The following SMARCC1 variants were observed in gnomAD, a reference collection of about 807,000 sequenced individuals.
SMARCC1 encodes the protein SWI/SNF complex subunit SMARCC1.
Under a neutral mutation model 147.4 loss-of-function variants are expected in SMARCC1, and 43 were observed. That is an observed-to-expected ratio of 0.29 (90% CI 0.23 to 0.38). The LOEUF (loss-of-function observed/expected upper bound fraction) is 0.38, where lower values mean the gene tolerates loss of function less well. Ranked by LOEUF, SMARCC1 falls within the 10% of genes least tolerant of loss-of-function variation. The probability of loss-of-function intolerance (pLI) is 1.00; values close to 1 mark genes in which losing one functional copy is unlikely to be tolerated. For synonymous variants in SMARCC1, 495 were observed against 484.4 expected (o/e 1.02, Z -0.29); for missense variants, 1,119 against 1,381.1 (o/e 0.81, Z 3.01).
chr3:47,722,506 A>G (rs2106812223), intron 6 of SMARCC1, among the ~76,000 whole-genome samples: 1 of 152,008 alleles, frequency 6.6e-6, no homozygotes, highest in South Asian at 2.1e-4. Flanking sequence ...CATTTTGATC[A>G]GGCTCATCTC....
chr3:47,651,126 G>A (rs1330395913), intron 21 of SMARCC1, among the ~76,000 whole-genome samples: 3 of 152,170 alleles, frequency 2.0e-5, no homozygotes, highest in East Asian at 1.9e-4. Flanking sequence ...GCAACATGGC[G>A]AAACCCTGCC....
chr3:47,631,856 C>A (rs1385579735), intron 24 of SMARCC1, among the ~76,000 whole-genome samples: 1 of 151,984 alleles, frequency 6.6e-6, no homozygotes, highest in Non-Finnish European at 1.5e-5. Flanking sequence ...AATTCCTTAC[C>A]CCCCTAATTA....
chr3:47,719,382 T>C (rs913376778), intron 7 of SMARCC1, among the ~76,000 whole-genome samples: 30 of 152,204 alleles, frequency 2.0e-4, no homozygotes, highest in African/African-American at 7.0e-4. Context: ...CCTTAGTGGT[T>C]TCGCATAAGT....
At chr3:47,606,938 C>T (rs1371500903) in intron 26 of SMARCC1, among the ~76,000 whole-genome samples, 1 of 150,664 alleles carries the variant, frequency 6.6e-6, no homozygotes, top group Non-Finnish European at 1.5e-5. Flanking sequence ...TGGTCTCAAA[C>T]TCCTGGGTTC....
intron 1 of SMARCC1, among the ~76,000 whole-genome samples, chr3:47,777,175 C>T (rs948224778): frequency 2.0e-5 from 3 of 151,594 alleles, no homozygotes; most frequent in Admixed American, 6.6e-5. Context: ...CTCTGCCCAC[C>T]GGGTTCCAGC....
At chr3:47,769,200 G>T (rs2034876945) in intron 2 of SMARCC1, among the ~76,000 whole-genome samples, 1 of 102,270 alleles carries the variant, frequency 9.8e-6, no homozygotes. Flanking sequence ...GACAGAGCGA[G>T]ACTCCGTCTC....
chr3:47,765,080 T>C (rs1162504180), intron 2 of SMARCC1, among the ~76,000 whole-genome samples: 2 of 152,078 alleles, frequency 1.3e-5, no homozygotes, highest in Admixed American at 6.6e-5. Flanking sequence ...GGAGAAACCC[T>C]GTCTCTACCA....
intron 6 of SMARCC1, among the ~76,000 whole-genome samples, chr3:47,726,609 A>C (rs1010383186): frequency 6.6e-6 from 1 of 152,206 alleles, no homozygotes; most frequent in Non-Finnish European, 1.5e-5. Flanking sequence ...AAAACCCTAC[A>C]CCCAATGAAC....
At chr3:47,692,463 C>A (rs746691167) in intron 12 of SMARCC1, among the ~76,000 whole-genome samples, 1 of 152,182 alleles carries the variant, frequency 6.6e-6, no homozygotes, top group African/African-American at 2.4e-5. Flanking sequence ...CATACTGTTA[C>A]AAAAACAATT....
At chr3:47,725,595 G>C (rs1185695568) in intron 6 of SMARCC1, among the ~76,000 whole-genome samples, 1 of 151,904 alleles carries the variant, frequency 6.6e-6, no homozygotes, top group Non-Finnish European at 1.5e-5. Context: ...GAATGACAGG[G>C]GCCCGCCACC....
chr3:47,696,090 G>C (rs2033848796), intron 11 of SMARCC1, among the ~76,000 whole-genome samples: 1 of 125,524 alleles, frequency 8.0e-6, no homozygotes. Flanking sequence ...GGGGGGGGGG[G>C]CCAGGCGAGG....
chr3:47,666,130 C>G (rs146010313), intron 19 of SMARCC1, among the ~76,000 whole-genome samples: 1 of 152,300 alleles, frequency 6.6e-6, no homozygotes, highest in African/African-American at 2.4e-5. Flanking sequence ...CTATTCCCTA[C>G]TCTTCACGTT....
chr3:47,764,537 A>T (rs1459110510), intron 2 of SMARCC1, among the ~76,000 whole-genome samples: 2 of 152,192 alleles, frequency 1.3e-5, no homozygotes, highest in African/African-American at 4.8e-5. Context: ...CCTGCACTGA[A>T]GTTGATCATA....
intron 2 of SMARCC1, chr3:47,746,232 T>C (rs2034562610): frequency 2.9e-6 from 1 of 342,026 alleles, no homozygotes; most frequent in South Asian, 6.1e-5. Flanking sequence ...GAGGATCACT[T>C]AAGCCCAGGA....
At chr3:47,781,540 G>C (rs1346114115) in intron 1 of SMARCC1, 63 bp downstream of exon 1, 51 of 1,261,334 alleles carry the variant, frequency 4.0e-5, no homozygotes, top group Non-Finnish European at 5.4e-5. Flanking sequence ...GGCCCGCGAG[G>C]CCAGCTGCCG....
At chr3:47,714,842 C>A (rs571494850) in intron 7 of SMARCC1, among the ~76,000 whole-genome samples, 1 of 152,200 alleles carries the variant, frequency 6.6e-6, no homozygotes, top group African/African-American at 2.4e-5. Flanking sequence ...CTACTAAAAT[C>A]TATTAATAGA....
chr3:47,692,829 T>C (rs1349021389), intron 12 of SMARCC1, among the ~76,000 whole-genome samples: 3 of 152,012 alleles, frequency 2.0e-5, no homozygotes, highest in Non-Finnish European at 4.4e-5. Context: ...GAGACAGGCC[T>C]GAACATGGTG....
At chr3:47,669,094 TTTTA>T (rs1186421927) in intron 19 of SMARCC1, among the ~76,000 whole-genome samples, 1 of 152,226 alleles carries the variant, frequency 6.6e-6, no homozygotes, top group Non-Finnish European at 1.5e-5. Flanking sequence ...TGGAGAAGTC[TTTTA>T]TTTCTCTTTG....
At chr3:47,735,969 G>C (rs1280128552) in intron 5 of SMARCC1, 65 bp downstream of exon 5, 1 of 676,564 alleles carries the variant, frequency 1.5e-6, no homozygotes, top group African/African-American at 1.9e-5. Flanking sequence ...TCATTTATTA[G>C]AGGCTTACAA....
Sources: allele counts gnomAD v4.1 joint callset (sites outside exome capture counted in the v4.1 genomes callset), GRCh38; gene constraint gnomAD v4.1.1; transcripts MANE v1.5; gene names NCBI Gene and HGNC (gene_info 2026-07-23, HGNC 2026-07-21).